The following VAV3 variants were observed in gnomAD, a reference collection of about 807,000 sequenced individuals.
The protein encoded by VAV3 is vav guanine nucleotide exchange factor 3, also known as guanine nucleotide exchange factor VAV3.
Under a neutral mutation model 131.2 loss-of-function variants are expected in VAV3, and 94 were observed. The ratio of observed to expected loss-of-function variants is 0.72; its 90% CI spans 0.61 to 0.85. VAV3 has a LOEUF of 0.85. VAV3 is among the 40% of genes least tolerant of loss of function. The pLI is 0.00. For synonymous variants in VAV3, 349 were observed against 342.0 expected, an observed-to-expected ratio of 1.02 and a Z score of -0.22; for missense variants, 939 against 1,002.7, an observed-to-expected ratio of 0.94 and a Z score of 0.86.
chr1:107,873,237 T>C (rs544879932), intron 2 of VAV3, among the ~76,000 whole-genome samples: 14 of 152,290 alleles, frequency 9.2e-5, no homozygotes, highest in African/African-American at 3.4e-4. Flanking sequence ...GCTTCCGTTG[T>C]CTAATCAATC....
chr1:107,733,027 G>C (rs1662354166), intron 15 of VAV3, among the ~76,000 whole-genome samples: 2 of 152,134 alleles, frequency 1.3e-5, no homozygotes, highest in Admixed American at 1.3e-4. Context: ...GAAGGATCAG[G>C]CATCAATATT....
intron 25 of VAV3, among the ~76,000 whole-genome samples, chr1:107,582,164 T>C (rs1450385233): frequency 2.6e-5 from 4 of 152,184 alleles, no homozygotes; most frequent in Non-Finnish European, 5.9e-5. Context: ...TGGGATGCTT[T>C]GATGAGCAGT....
At position 107,611,584 on chromosome 1, in the gene VAV3, T is replaced by G. The variant is rs1467702238; in HGVS notation, c.1981-1619A>C. Among the ~76,000 whole-genome samples the G allele has an allele frequency of 2.4e-5, 3 of 127,052 alleles. No individual in the cohort carries two copies. In the East Asian group the frequency reaches 7.2e-4, roughly 30 times the overall value. The allele number at this position is 127,052 out of a possible 152,430, so 83.4% of individuals were successfully genotyped here. A position where few individuals can be genotyped will look rare whatever the true frequency, so the allele number is the denominator to read the frequency against. On this transcript the variant is annotated intron_variant, in intron 21 of 26. Coordinates refer to ENST00000370056, the MANE Select transcript of VAV3 (RefSeq NM_006113.5). ...ATATATTTATTCTTAAACCAAGCTT[T>G]CCATAGAGAACCAAAAAAAAAAAAC...
At chr1:107,925,477 AAT>A (rs1557928052) in intron 1 of VAV3, among the ~76,000 whole-genome samples, 1 of 152,226 alleles carries the variant, frequency 6.6e-6, no homozygotes, top group African/African-American at 2.4e-5. Flanking sequence ...GTATACATAC[AAT>A]GGACTATTAT....
intron 4 of VAV3, among the ~76,000 whole-genome samples, chr1:107,773,262 T>A (rs926111306): frequency 1.1e-4 from 16 of 152,226 alleles, no homozygotes; most frequent in African/African-American, 3.9e-4. Flanking sequence ...AAGTCTGTCT[T>A]AACGCTGAGT....
intron 2 of VAV3, among the ~76,000 whole-genome samples, chr1:107,815,224 C>T (rs1200033952): frequency 1.3e-5 from 2 of 152,192 alleles, no homozygotes; most frequent in African/African-American, 4.8e-5. Context: ...AAATATCCGA[C>T]ATTTACATTC....
intron 25 of VAV3, among the ~76,000 whole-genome samples, chr1:107,593,238 TG>T (rs946440294): frequency 6.6e-6 from 1 of 152,154 alleles, no homozygotes; most frequent in Non-Finnish European, 1.5e-5. Context: ...AAGATAGTCC[TG>T]TCATAATCTT....
chr1:107,718,083 A>G (rs1003827010), intron 15 of VAV3, among the ~76,000 whole-genome samples: 1 of 152,142 alleles, frequency 6.6e-6, no homozygotes, highest in Non-Finnish European at 1.5e-5. Flanking sequence ...ATTTATGACA[A>G]ACCCACAGCC....
chr1:107,737,965 A>T (rs1382669943), intron 15 of VAV3, among the ~76,000 whole-genome samples: 2 of 152,204 alleles, frequency 1.3e-5, no homozygotes, highest in Non-Finnish European at 1.5e-5. Flanking sequence ...CAAATGTCCA[A>T]CAATGATAGA....
chr1:107,785,671 C>T, intron 2 of VAV3: 2 of 1,108,314 alleles, frequency 1.8e-6, no homozygotes, highest in Non-Finnish European at 2.2e-6. Flanking sequence ...AAACTTGGGC[C>T]CCAGAAGAGG....
At chr1:107,578,825 C>A in intron 25 of VAV3, 3 of 984,784 alleles carry the variant, frequency 3.0e-6, no homozygotes, top group Non-Finnish European at 3.6e-6. Flanking sequence ...TATATTTCTC[C>A]AAAATTTTCA....
chr1:107,939,459 C>T (rs973303222), intron 1 of VAV3, among the ~76,000 whole-genome samples: 4 of 152,102 alleles, frequency 2.6e-5, no homozygotes, highest in Non-Finnish European at 4.4e-5. Flanking sequence ...TGCTGGACAG[C>T]GGCAGCAAGC....
intron 25 of VAV3, among the ~76,000 whole-genome samples, chr1:107,580,999 T>G (rs991282396): frequency 6.6e-6 from 1 of 152,114 alleles, no homozygotes; most frequent in African/African-American, 2.4e-5. Context: ...CAGTGACATT[T>G]AAATGGGAAC....
At chr1:107,675,868 G>A (rs1658172652) in intron 19 of VAV3, among the ~76,000 whole-genome samples, 1 of 152,178 alleles carries the variant, frequency 6.6e-6, no homozygotes, top group African/African-American at 2.4e-5. Flanking sequence ...AAGAAAATTA[G>A]TGTTTTCTTT....
intron 1 of VAV3, among the ~76,000 whole-genome samples, chr1:107,907,606 G>A (rs895401793): frequency 2.0e-5 from 3 of 152,024 alleles, no homozygotes; most frequent in Non-Finnish European, 2.9e-5. Context: ...TCATTACCAC[G>A]ACAGTAGTTG....
chr1:107,661,813 CTG>C (rs756436782), intron 19 of VAV3, among the ~76,000 whole-genome samples: 3 of 152,096 alleles, frequency 2.0e-5, no homozygotes, highest in Non-Finnish European at 4.4e-5. Context: ...TGGCTTTAGA[CTG>C]TAAGTCCTTA....
chr1:107,621,465 G>A (rs920589492), intron 20 of VAV3, among the ~76,000 whole-genome samples: 19 of 151,676 alleles, frequency 1.3e-4, no homozygotes, highest in African/African-American at 4.6e-4. Context: ...GATGTACGTT[G>A]GTAATTCATT....
At chr1:107,675,234 T>C (rs1005033201) in intron 19 of VAV3, among the ~76,000 whole-genome samples, 2 of 152,220 alleles carry the variant, frequency 1.3e-5, no homozygotes, top group African/African-American at 2.4e-5. Context: ...GGTATCTATA[T>C]GTATCAATAA....
chr1:107,965,177 C>T lies in VAV3; in HGVS notation c.-308G>A, dbSNP rs1466474975. 1 of 150,346 alleles carries T rather than the reference C, an allele frequency of 6.7e-6. No individual in the cohort carries two copies. The highest frequency in any genetic ancestry group is 1.5e-5 in the Non-Finnish European group (1 of 67,390). 9.3% of individuals were successfully genotyped at this position (150,346 alleles called of 1,614,324 possible). A position where few individuals can be genotyped will look rare whatever the true frequency, so the allele number is the denominator to read the frequency against. ...CTTCCGACTCCAGCGCCCGGCCCGC[C>T]ACTGAGCATGCCCAGCACGCCGGCC... On this transcript the variant is annotated 5_prime_UTR_variant, in exon 1 of 27. Transcript: ENST00000370056.
Sources: gnomAD v4.1 joint callset for allele counts (sites outside exome capture counted in the v4.1 genomes callset) on GRCh38, gnomAD v4.1.1 for gene constraint, MANE v1.5 for transcripts, NCBI Gene and HGNC (gene_info 2026-07-23, HGNC 2026-07-21) for gene names.